ZNRF1: variants seen among roughly 807,000 people sequenced by gnomAD.
ZNRF1 encodes zinc and ring finger 1.
Under a neutral mutation model 18.4 loss-of-function variants are expected in ZNRF1, and 3 were observed. The observed-to-expected ratio is 0.16, with a 90% CI of 0.07 to 0.42. The LOEUF (loss-of-function observed/expected upper bound fraction) is 0.42. Among genes scored for constraint, ZNRF1 ranks in the 10% least tolerant of loss-of-function variants. ZNRF1 has a pLI of 0.99. For missense variants in ZNRF1, 310 were observed against 329.8 expected, an observed-to-expected ratio of 0.94 and a Z score of 0.47; for synonymous variants, 157 against 144.2, an observed-to-expected ratio of 1.09 and a Z score of -0.64.
At position 75,109,784 on chromosome 16, in the gene ZNRF1, G is replaced by T. The variant is rs993531173; in HGVS notation, c.*2084G>T. The T allele has an allele frequency of 2.6e-5, 4 of 152,306 alleles. No homozygotes were observed. The highest frequency in any genetic ancestry group is 9.6e-5 in the African/African-American group (4 of 41,468). The allele number at this position is 152,306 out of a possible 1,614,324, so 9.4% of individuals were successfully genotyped here. On this transcript the variant is annotated 3_prime_UTR_variant, in exon 5 of 5. Coordinates refer to ENST00000335325, the MANE Select transcript of ZNRF1 (RefSeq NM_032268.5). ...CTCAGAGGTCCCTGTGGGGGCTGGG[G>T]GAGCTGCCCTGCAGGTCTTGGCACA... is the stretch of plus-strand genomic sequence containing the variant.
chr16:75,059,229 C>CTTTTTTTTTTTTTTCTTT (rs2035709085), intron 1 of ZNRF1, among the ~76,000 whole-genome samples: 16 of 92,880 alleles, frequency 1.7e-4, no homozygotes, highest in Non-Finnish European at 2.5e-4. Context: ...TTCTTTCTTT[C>CTTTTTTTTTTTTTTCTTT]TTTTTTTTTT....
chr16:75,036,217 T>C (rs1434310864), intron 1 of ZNRF1, among the ~76,000 whole-genome samples: 1 of 152,216 alleles, frequency 6.6e-6, no homozygotes, highest in African/African-American at 2.4e-5. Context: ...ATCACAGGCA[T>C]GTGCCATCAC....
At chr16:75,032,354 C>G (rs1254665223) in intron 1 of ZNRF1, among the ~76,000 whole-genome samples, 1 of 151,976 alleles carries the variant, frequency 6.6e-6, no homozygotes, top group Admixed American at 6.6e-5. Context: ...GGTGATCTGC[C>G]CACCTCAGCC....
intron 1 of ZNRF1, among the ~76,000 whole-genome samples, chr16:75,068,019 T>C (rs986091774): frequency 1.3e-5 from 2 of 152,006 alleles, no homozygotes; most frequent in African/African-American, 4.8e-5. Flanking sequence ...TTTAAAAAAC[T>C]ATTATTATAA....
chr16:75,008,150 A>T (rs892293590), intron 1 of ZNRF1, among the ~76,000 whole-genome samples: 2 of 151,968 alleles, frequency 1.3e-5, no homozygotes, highest in South Asian at 4.2e-4. Flanking sequence ...AAATACTGGG[A>T]TTATAAGTGT....
chr16:75,076,565 C>T (rs1007754894), intron 1 of ZNRF1, among the ~76,000 whole-genome samples: 2 of 150,794 alleles, frequency 1.3e-5, no homozygotes, highest in Non-Finnish European at 3.0e-5. Context: ...GACTGACTGA[C>T]TTGATTGCTT....
intron 1 of ZNRF1, among the ~76,000 whole-genome samples, chr16:75,054,239 A>G (rs2035642427): frequency 6.6e-6 from 1 of 152,246 alleles, no homozygotes; most frequent in Admixed American, 6.5e-5. Flanking sequence ...GTTGACCAGA[A>G]GTGCAGTTCC....
chr16:75,010,791 A>G (rs1307591334), intron 1 of ZNRF1, among the ~76,000 whole-genome samples: 1 of 141,222 alleles, frequency 7.1e-6, no homozygotes, highest in East Asian at 2.2e-4. Context: ...ACTCACTGCA[A>G]CCTCTGCCTC....
In ZNRF1 at chr16:75,002,603, A is replaced by C. The variant is rs528642664; in HGVS notation, c.424+2508A>C. On this transcript the variant is annotated intron_variant, in intron 1 of 4. Coordinates refer to ENST00000335325, the MANE Select transcript of ZNRF1 (RefSeq NM_032268.5). Reference sequence around the variant, plus strand: ...GGCTTAGGCTGGGTCTGGAGGTAGAATACTGAAGGGCCCTGGTCCCAGCTA... The same window carrying C: ...GGCTTAGGCTGGGTCTGGAGGTAGACTACTGAAGGGCCCTGGTCCCAGCTA... 2.3e-4 allele frequency among the ~76,000 whole-genome samples: 35 copies of C among 152,298 alleles called. No homozygotes were observed. The East Asian group carries it at 3.7e-3, about 16-fold the overall frequency.
chr16:75,052,457 T>A (rs1309028016), intron 1 of ZNRF1, among the ~76,000 whole-genome samples: 1 of 151,824 alleles, frequency 6.6e-6, no homozygotes, highest in Non-Finnish European at 1.5e-5. Context: ...CTGCCTCACA[T>A]TGTGAGTCAG....
chr16:75,042,443 CTT>C (rs56212046), intron 1 of ZNRF1, among the ~76,000 whole-genome samples: 41,109 of 116,946 alleles, frequency 0.35, 5,364 homozygotes, highest in Non-Finnish European at 0.45. Flanking sequence ...CTGTTTCTTT[CTT>C]TTTTTTTTTT....
intron 2 of ZNRF1, among the ~76,000 whole-genome samples, chr16:75,102,313 G>A (rs1294083298): frequency 6.6e-6 from 1 of 152,168 alleles, no homozygotes; most frequent in Non-Finnish European, 1.5e-5. Flanking sequence ...GCCCACTCAT[G>A]AGGTGTGTGA....
chr16:75,079,939 G>A lies in ZNRF1; in HGVS notation c.425-13633G>A, dbSNP rs369052138. Among the ~76,000 whole-genome samples, 7 of 152,232 alleles carry A rather than the reference G, an allele frequency of 4.6e-5. No individual in the cohort carries two copies. The East Asian group carries it at 5.8e-4, about 13-fold the overall frequency. On this transcript the variant is annotated intron_variant, in intron 1 of 4. Coordinates refer to ENST00000335325, the MANE Select transcript of ZNRF1 (RefSeq NM_032268.5). ...TTTTGTTTTTTCTGTTTTTTGAGACGGAGTCTCACTCTGCCGCTCAGGCTG... is the reference window on the plus strand; with the variant it reads ...TTTTGTTTTTTCTGTTTTTTGAGACAGAGTCTCACTCTGCCGCTCAGGCTG...
In ZNRF1 at chr16:75,085,291, A is replaced by G. The variant is rs1032124505; in HGVS notation, c.425-8281A>G. Among the ~76,000 whole-genome samples the G allele has an allele frequency of 2.6e-5, 4 of 152,164 alleles. No homozygotes were observed. The East Asian group carries it at 5.8e-4, about 22-fold the overall frequency. On this transcript the variant is annotated intron_variant, in intron 1 of 4. Transcript: ENST00000335325. ...TCTAGAATTTCATATAATTAGAATC[A>G]TGTGTGCACTTTTGTGTCCTTCACT...
At position 75,059,751 on chromosome 16, in the gene ZNRF1, G is replaced by A. The variant is rs114359453; in HGVS notation, c.425-33821G>A. ...ACTCTACCTGTAATGTTTGGAAATT[G>A]TATAAATCAATTTAAACATGGACTA... On this transcript the variant is annotated intron_variant, in intron 1 of 4. Coordinates refer to ENST00000335325, the MANE Select transcript of ZNRF1 (RefSeq NM_032268.5). Among the ~76,000 whole-genome samples the A allele has an allele frequency of 7.3e-3, 1,105 of 152,258 alleles. 12 individuals are homozygous for A. Among genetic ancestry groups the A allele is most frequent in the African/African-American group, 0.026 (1,072 of 41,546 alleles).
chr16:75,000,372 C>T (rs1024467693), intron 1 of ZNRF1: 14 of 627,970 alleles, frequency 2.2e-5, no homozygotes, highest in African/African-American at 1.4e-4. Context: ...ATTGGCATCA[C>T]CCTCCTCAGA....
chr16:75,014,175 A>C (rs1376330908), intron 1 of ZNRF1, among the ~76,000 whole-genome samples: 1 of 152,186 alleles, frequency 6.6e-6, no homozygotes, highest in Non-Finnish European at 1.5e-5. Context: ...CATTCAAGAA[A>C]GATAATATGC....
At chr16:75,065,827 T>C (rs926759523) in intron 1 of ZNRF1, among the ~76,000 whole-genome samples, 4 of 152,320 alleles carry the variant, frequency 2.6e-5, no homozygotes, top group African/African-American at 7.2e-5. Flanking sequence ...GCCCCTCCTG[T>C]GGACACTCCA....
intron 1 of ZNRF1, among the ~76,000 whole-genome samples, chr16:75,070,676 C>A (rs1480259611): frequency 6.6e-6 from 1 of 152,138 alleles, no homozygotes; most frequent in African/African-American, 2.4e-5. Flanking sequence ...CCCACCATAC[C>A]CCTTCCCAGT....
Sources: allele counts gnomAD v4.1 joint callset (sites outside exome capture counted in the v4.1 genomes callset), GRCh38; gene constraint gnomAD v4.1.1; transcripts MANE v1.5; gene names NCBI Gene and HGNC (gene_info 2026-07-23, HGNC 2026-07-21).